Variants in CLDN16 observed in about 807,000 individuals in gnomAD.
CLDN16 encodes claudin 16, also known as claudin-16.
Under a neutral mutation model 24.6 loss-of-function variants are expected in CLDN16, and 13 were observed. That is an observed-to-expected ratio of 0.53 (90% CI 0.34 to 0.84). CLDN16 has a LOEUF of 0.84. Among genes scored for constraint, CLDN16 ranks in the 40% least tolerant of loss-of-function variants. The pLI, the probability that CLDN16 is intolerant of heterozygous loss-of-function variation, is 0.01. For synonymous variants in CLDN16, 116 were observed against 106.7 expected, an observed-to-expected ratio of 1.09 and a Z score of -0.54; for missense variants, 298 against 292.7, an observed-to-expected ratio of 1.02 and a Z score of -0.13.
chr3:190,349,200 C>A (rs1263570299), intron 1 of CLDN16, among the ~76,000 whole-genome samples: 1 of 152,120 alleles, frequency 6.6e-6, no homozygotes, highest in Admixed American at 6.5e-5. Context: ...GGGGAGGGAC[C>A]TGGTGGGAGG....
intron 2 of CLDN16, among the ~76,000 whole-genome samples, chr3:190,404,496 T>C (rs1719039871): frequency 6.6e-6 from 1 of 152,228 alleles, no homozygotes; most frequent in Non-Finnish European, 1.5e-5. Context: ...TAGTTTCCAC[T>C]ATCTACCAGG....
the CLDN16 span, chr3:190,308,484 C>G: frequency 1.3e-6 from 2 of 1,583,530 alleles, no homozygotes; most frequent in Non-Finnish European, 1.7e-6. Flanking sequence ...GAATTATTGG[C>G]AACTTTTCTA....
chr3:190,297,553 A>AGATATATAATATATAGTATATAATATAT, the CLDN16 span, among the ~76,000 whole-genome samples: 5 of 141,096 alleles, frequency 3.5e-5, no homozygotes, highest in African/African-American at 1.3e-4. Flanking sequence ...ATAATAATAT[A>AGATATATAATATATAGTATATAATATAT]GATATATAAT....
chr3:190,376,530 G>A (rs1718252309), intron 3 of CLDN16, among the ~76,000 whole-genome samples: 1 of 151,898 alleles, frequency 6.6e-6, no homozygotes, highest in Admixed American at 6.6e-5. Flanking sequence ...ACAGCAAGGA[G>A]AGAGTAATTT....
At chr3:190,395,912 GAC>G (rs1029704806) in intron 1 of CLDN16, among the ~76,000 whole-genome samples, 7 of 152,032 alleles carry the variant, frequency 4.6e-5, no homozygotes, top group African/African-American at 1.4e-4. Context: ...TAGATAGATA[GAC>G]ACACACACAG....
chr3:190,327,182 A>T (rs1302555737), intron 1 of CLDN16, among the ~76,000 whole-genome samples: 2 of 152,208 alleles, frequency 1.3e-5, no homozygotes, highest in Non-Finnish European at 2.9e-5. Flanking sequence ...ATAAGAGTTG[A>T]CTTCACAGTC....
In CLDN16 at chr3:190,408,455, G is replaced by C; in HGVS notation, c.524G>C (p.Gly175Ala). 2.5e-6 allele frequency: 4 copies of C among 1,613,954 alleles called. No individual in the cohort carries two copies. The highest frequency in any genetic ancestry group is 3.4e-6 in the Non-Finnish European group (4 of 1,179,988). Reference sequence around the variant, plus strand: ...TGGCTCGGAATGGCTGGGTCTCTGGGTTGCTTTTTGGCTGGAGCTGTTCTC... The same window carrying C: ...TGGCTCGGAATGGCTGGGTCTCTGGCTTGCTTTTTGGCTGGAGCTGTTCTC... ...SCWLGMAGSL[G>A]CFLAGAVLTC... is the part of the protein sequence containing the mutation. The change falls in exon 4 of 5, where the codon GGT (glycine) becomes GCT (alanine). Residue 175 changes from glycine (G) to alanine (A), a missense_variant. Coordinates refer to ENST00000264734, the MANE Select transcript of CLDN16 (RefSeq NM_006580.4).
At chr3:190,375,784 G>T (rs4687139) in intron 3 of CLDN16, among the ~76,000 whole-genome samples, 1 of 151,524 alleles carries the variant, frequency 6.6e-6, no homozygotes, top group Admixed American at 6.6e-5. Context: ...TTCGGCTTCT[G>T]CAACTAAATT....
At chr3:190,352,494 G>C (rs1467250984) in intron 1 of CLDN16, among the ~76,000 whole-genome samples, 1 of 152,096 alleles carries the variant, frequency 6.6e-6, no homozygotes, top group Non-Finnish European at 1.5e-5. Context: ...TATTCTAACA[G>C]TAAATTCCAC....
chr3:190,370,126 C>T (rs1700391235), intron 1 of CLDN16, among the ~76,000 whole-genome samples: 1 of 151,914 alleles, frequency 6.6e-6, no homozygotes, highest in Non-Finnish European at 1.5e-5. Flanking sequence ...GGAATTGTCA[C>T]TAGCATTTCT....
At chr3:190,401,184 C>T (rs554237082) in intron 1 of CLDN16, among the ~76,000 whole-genome samples, 7 of 152,226 alleles carry the variant, frequency 4.6e-5, no homozygotes, top group Admixed American at 2.6e-4. Context: ...TTATTTGGCA[C>T]ATAACACGGC....
the CLDN16 span, among the ~76,000 whole-genome samples, chr3:190,311,445 C>A: frequency 6.6e-6 from 1 of 152,096 alleles, no homozygotes. Flanking sequence ...ACATCTTTAG[C>A]AAAGCCACAG....
At chr3:190,312,927 A>G in the CLDN16 span, 3 of 1,614,182 alleles carry the variant, frequency 1.9e-6, no homozygotes, top group Non-Finnish European at 1.7e-6. Context: ...TCTGCACCTC[A>G]TCGTCTTCCA....
intron 1 of CLDN16, among the ~76,000 whole-genome samples, chr3:190,324,137 CT>C (rs113909519): frequency 0.083 from 12,667 of 152,130 alleles, 707 homozygotes; most frequent in East Asian, 0.22. Context: ...TCATTTTCTT[CT>C]TTTTTTTGTT....
chr3:190,379,527 A>G (rs1292195387), intron 3 of CLDN16, among the ~76,000 whole-genome samples: 1 of 152,162 alleles, frequency 6.6e-6, no homozygotes, highest in African/African-American at 2.4e-5. Flanking sequence ...ATTAAAACCC[A>G]GAATTTAATA....
chr3:190,350,005 AT>A (rs1248676731), intron 1 of CLDN16, among the ~76,000 whole-genome samples: 1 of 152,134 alleles, frequency 6.6e-6, no homozygotes, highest in Non-Finnish European at 1.5e-5. Context: ...GAAATGACTG[AT>A]GTACTAATCT....
the CLDN16 span, among the ~76,000 whole-genome samples, chr3:190,297,183 T>C: frequency 3.9e-5 from 6 of 152,058 alleles, no homozygotes; most frequent in Non-Finnish European, 7.4e-5. Context: ...TCCAGTCTTA[T>C]GAAGAACTAA....
the CLDN16 span, among the ~76,000 whole-genome samples, chr3:190,308,928 A>G: frequency 6.6e-6 from 1 of 152,180 alleles, no homozygotes; most frequent in African/African-American, 2.4e-5. Flanking sequence ...TTTGTAAAGA[A>G]AAGTTCTAAG....
At chr3:190,316,769 C>T in the CLDN16 span, among the ~76,000 whole-genome samples, 1 of 152,110 alleles carries the variant, frequency 6.6e-6, no homozygotes, top group Non-Finnish European at 1.5e-5. Flanking sequence ...ATGTCTTTAT[C>T]CTTTAAAAAT....
Sources: allele counts gnomAD v4.1 joint callset (sites outside exome capture counted in the v4.1 genomes callset), GRCh38; gene constraint gnomAD v4.1.1; transcripts MANE v1.5; gene names NCBI Gene and HGNC (gene_info 2026-07-23, HGNC 2026-07-21).